Variants in CALCOCO2 observed in about 807,000 individuals in gnomAD.
CALCOCO2 encodes calcium-binding and coiled-coil domain-containing protein 2.
A neutral mutation model predicts 62.5 loss-of-function variants in CALCOCO2; 42 were observed. The observed-to-expected ratio is 0.67, with a 90% CI of 0.53 to 0.87. The LOEUF (loss-of-function observed/expected upper bound fraction) is 0.87. CALCOCO2 is among the 40% of genes least tolerant of loss of function. The pLI, the probability that CALCOCO2 is intolerant of heterozygous loss-of-function variation, is 0.00. For synonymous variants in CALCOCO2, 167 were observed against 173.0 expected, an observed-to-expected ratio of 0.97 and a Z score of 0.27; for missense variants, 456 against 515.0, an observed-to-expected ratio of 0.89 and a Z score of 1.11.
intron 7 of CALCOCO2, among the ~76,000 whole-genome samples, chr17:48,852,142 G>GAAAA (rs58441130): frequency 8.2e-6 from 1 of 121,380 alleles, no homozygotes; most frequent in Non-Finnish European, 1.8e-5. Flanking sequence ...TGTCTCAAGA[G>GAAAA]AAAAAAAAAA....
intron 2 of CALCOCO2, chr17:48,846,213 T>C: frequency 3.5e-6 from 2 of 569,846 alleles, no homozygotes; most frequent in Admixed American, 3.3e-5. Context: ...CTGGGCTCAC[T>C]GCAACCTCTG....
chr17:48,846,452 T>G, intron 2 of CALCOCO2: 1 of 1,443,504 alleles, frequency 6.9e-7, no homozygotes, highest in Non-Finnish European at 9.4e-7. Flanking sequence ...GGCATTTAAA[T>G]GTTTCCAAGA....
intron 10 of CALCOCO2, among the ~76,000 whole-genome samples, chr17:48,857,556 G>A (rs2040237958): frequency 7.2e-6 from 1 of 138,614 alleles, no homozygotes; most frequent in South Asian, 2.2e-4. Context: ...AGCCTGGAGT[G>A]CAGTGGCATG....
Position 48,848,162 on chromosome 17 carries a change from C to G in CALCOCO2, c.279C>G (p.Phe93Leu). 6.2e-7 allele frequency: 1 copy of G among 1,605,894 alleles called. No homozygotes were observed. The highest frequency in any genetic ancestry group is 8.5e-7 in the Non-Finnish European group (1 of 1,172,604). ...NKSAKQQEVQFKAYYLPKDDE... is the reference protein window; with the variant it reads ...NKSAKQQEVQLKAYYLPKDDE... ...CAGCTAAACAGCAGGAAGTCCAATT[C>G]AAAGGTGAGAAAAATACTGGATCAA... The change falls in exon 3 of 13, where the codon TTC becomes TTG. Residue 93 changes from phenylalanine (F) to leucine (L), a missense_variant. Phe to Leu is a conservative substitution (Grantham distance 22). Coordinates refer to ENST00000258947, the MANE Select transcript of CALCOCO2 (RefSeq NM_005831.5).
rs529165641 is a variant in CALCOCO2, at chr17:48,840,255, G to A, written c.-10-1443G>A. 1.3e-3 allele frequency among the ~76,000 whole-genome samples: 194 copies of A among 151,828 alleles called. 1 individual carries two copies. Among genetic ancestry groups the A allele is most frequent in the Non-Finnish European group, 1.9e-3 (131 of 67,932 alleles). The stretch of plus-strand genomic sequence containing the variant: ...AGCCATCTTCCCATCTCAGCTTCCC[G>A]AGTAGCTGGGACTGCAGGTGAGCAC... On this transcript the variant is annotated intron_variant, in intron 1 of 12. Transcript: ENST00000258947.
chr17:48,854,189 G>A (rs1347512374), intron 9 of CALCOCO2, among the ~76,000 whole-genome samples: 2 of 148,620 alleles, frequency 1.3e-5, no homozygotes, highest in African/African-American at 2.5e-5. Flanking sequence ...GGTGGTGGGC[G>A]CCTGTAATCC....
chr17:48,854,188 C>A (rs1301480588), intron 9 of CALCOCO2, among the ~76,000 whole-genome samples: 1 of 148,430 alleles, frequency 6.7e-6, no homozygotes, highest in South Asian at 2.2e-4. Flanking sequence ...TGGTGGTGGG[C>A]GCCTGTAATC....
chr17:48,848,919 A>C (rs562369400), intron 4 of CALCOCO2: 2 of 473,342 alleles, frequency 4.2e-6, no homozygotes, highest in East Asian at 6.3e-5. Context: ...CACAATGAAG[A>C]ATCAGTTAAA....
chr17:48,860,841 G>A (rs1325480848), intron 11 of CALCOCO2, among the ~76,000 whole-genome samples: 4 of 152,142 alleles, frequency 2.6e-5, no homozygotes, highest in Non-Finnish European at 4.4e-5. Context: ...CACCCTGATG[G>A]CTAACCAAGG....
chr17:48,845,320 GGT>G (rs55686005), intron 2 of CALCOCO2, among the ~76,000 whole-genome samples: 21,109 of 137,060 alleles, frequency 0.15, 2,398 homozygotes, highest in East Asian at 0.66. Flanking sequence ...CTATGTTGAG[GGT>G]GTGTGTGTGT....
At chr17:48,857,276 C>T (rs2040231005) in intron 10 of CALCOCO2, among the ~76,000 whole-genome samples, 1 of 150,242 alleles carries the variant, frequency 6.7e-6, no homozygotes, top group Non-Finnish European at 1.5e-5. Flanking sequence ...CAGCTCACCG[C>T]AACCTCCACC....
intron 9 of CALCOCO2, 126 bp downstream of exon 9, chr17:48,853,138 T>C (rs909361727): frequency 6.2e-6 from 4 of 644,388 alleles, no homozygotes; most frequent in African/African-American, 3.7e-5. Context: ...GATGTTTTGC[T>C]TTCTAGCCAA....
intron 2 of CALCOCO2, among the ~76,000 whole-genome samples, chr17:48,847,220 A>G (rs1183903788): frequency 6.6e-6 from 1 of 152,168 alleles, no homozygotes; most frequent in East Asian, 1.9e-4. Context: ...CAACACAGAC[A>G]TTATGAAAAA....
rs200836727 is a variant in CALCOCO2 at position 48,842,154 on chromosome 17, CTTTTTTTT to C, written c.180+279_180+286del. ...GCTTTTTTTTTTGCTTTTTTCTTTT[CTTTTTTTT>C]TTTTTTTTTTTGAAATAGAGTCTTG... On this transcript the variant is annotated intron_variant, in intron 2 of 12. Coordinates refer to ENST00000258947, the MANE Select transcript of CALCOCO2 (RefSeq NM_005831.5). The C allele has an allele frequency of 7.9e-3, 1,077 of 136,108 alleles. 1 individual carries two copies. The highest frequency in any genetic ancestry group is 0.032 in the East Asian group (179 of 5,680). The allele number at this position is 136,108 out of a possible 1,614,324, so 8.4% of individuals were successfully genotyped here. A position where few individuals can be genotyped will look rare whatever the true frequency, so the allele number is the denominator to read the frequency against.
intron 9 of CALCOCO2, among the ~76,000 whole-genome samples, chr17:48,854,100 G>C (rs752578245): frequency 3.3e-5 from 5 of 151,778 alleles, no homozygotes; most frequent in Non-Finnish European, 7.4e-5. Flanking sequence ...TGGATCACCT[G>C]AGGTCAGGAG....
Position 48,852,909 on chromosome 17 carries a change from A to T in CALCOCO2, c.826-17A>T, listed in dbSNP as rs752582123. ...TGTGTTTTCCCAGCAATGGTACTGA[A>T]ATCTCTTTTTGTGCAGAGGAAGGAC... On this transcript the variant is annotated splice_polypyrimidine_tract_variant and intron_variant, in intron 8 of 12. Coordinates refer to ENST00000258947, the MANE Select transcript of CALCOCO2 (RefSeq NM_005831.5). 4.4e-6 allele frequency: 7 copies of T among 1,595,712 alleles called. No homozygotes were observed. In the South Asian group the frequency reaches 7.7e-5, roughly 18 times the overall value.
At chr17:48,857,204 T>A (rs1170271271) in intron 10 of CALCOCO2, among the ~76,000 whole-genome samples, 1 of 151,196 alleles carries the variant, frequency 6.6e-6, no homozygotes, top group Non-Finnish European at 1.5e-5. Context: ...TACCCTTTTT[T>A]TTTTTTTTTT....
intron 1 of CALCOCO2, among the ~76,000 whole-genome samples, chr17:48,835,189 G>A (rs8078984): frequency 0.11 from 17,285 of 152,196 alleles, 1,778 homozygotes; most frequent in African/African-American, 0.28. Context: ...GGGAGGAAGG[G>A]AAGACTAAAG....
chr17:48,834,322 G>T (rs1409220983), intron 1 of CALCOCO2, among the ~76,000 whole-genome samples: 1 of 151,988 alleles, frequency 6.6e-6, no homozygotes, highest in Admixed American at 6.6e-5. Flanking sequence ...TCCCATTATT[G>T]CCTGCTCCTC....
Sources: gnomAD v4.1 joint callset for allele counts (sites outside exome capture counted in the v4.1 genomes callset) on GRCh38, gnomAD v4.1.1 for gene constraint, MANE v1.5 for transcripts, NCBI Gene and HGNC (gene_info 2026-07-23, HGNC 2026-07-21) for gene names.